PITPNC1: variants seen among roughly 807,000 people sequenced by gnomAD.
PITPNC1 encodes the protein phosphatidylinositol transfer protein cytoplasmic 1.
In PITPNC1, 18 loss-of-function variants were observed where a neutral mutation model predicts 44.7. The ratio of observed to expected loss-of-function variants is 0.40; its 90% CI spans 0.28 to 0.60. The LOEUF (loss-of-function observed/expected upper bound fraction) is 0.60, where lower values mean the gene tolerates loss of function less well. Ranked by LOEUF, PITPNC1 falls within the 20% of genes least tolerant of loss-of-function variation. PITPNC1 has a pLI of 0.39. For missense variants in PITPNC1, 290 were observed against 418.4 expected (o/e 0.69, Z 2.68); for synonymous variants, 141 against 149.6 (o/e 0.94, Z 0.42).
chr17:67,617,143 G>A (rs2041769352), intron 5 of PITPNC1, among the ~76,000 whole-genome samples: 1 of 152,228 alleles, frequency 6.6e-6, no homozygotes, highest in Non-Finnish European at 1.5e-5. Context: ...TGAGGCCTCA[G>A]GGAAGGCCAG....
intron 1 of PITPNC1, among the ~76,000 whole-genome samples, chr17:67,390,553 C>T (rs748558673): frequency 1.7e-4 from 26 of 152,194 alleles, no homozygotes; most frequent in African/African-American, 5.8e-4. Flanking sequence ...CCACATGGCA[C>T]GTAAGTCCTT....
chr17:67,575,642 G>C (rs1314765855), intron 4 of PITPNC1, among the ~76,000 whole-genome samples: 1 of 152,108 alleles, frequency 6.6e-6, no homozygotes, highest in African/African-American at 2.4e-5. Flanking sequence ...AAGCATGTGT[G>C]TGCTATAGCC....
chr17:67,662,063 C>T (rs2042356940), intron 6 of PITPNC1, among the ~76,000 whole-genome samples: 1 of 151,916 alleles, frequency 6.6e-6, no homozygotes, highest in Non-Finnish European at 1.5e-5. Context: ...CAGTACATGC[C>T]CTGAAAAACC....
chr17:67,685,074 T>C (rs2042788136), intron 8 of PITPNC1, among the ~76,000 whole-genome samples: 1 of 152,254 alleles, frequency 6.6e-6, no homozygotes, highest in African/African-American at 2.4e-5. Context: ...CTAAAAGTGA[T>C]CGTCTAGTAT....
intron 1 of PITPNC1, among the ~76,000 whole-genome samples, chr17:67,514,325 G>A (rs1473003144): frequency 1.3e-5 from 2 of 151,846 alleles, no homozygotes; most frequent in South Asian, 4.2e-4. Context: ...CTCAACCTCC[G>A]AGTAGCTGAG....
intron 6 of PITPNC1, among the ~76,000 whole-genome samples, chr17:67,658,186 C>G (rs555356127): frequency 6.6e-6 from 1 of 152,330 alleles, no homozygotes; most frequent in South Asian, 2.1e-4. Flanking sequence ...AGGGGTGGGA[C>G]CCCAGTGAAA....
At chr17:67,456,114 A>C (rs141993276) in intron 1 of PITPNC1, among the ~76,000 whole-genome samples, 1 of 152,224 alleles carries the variant, frequency 6.6e-6, no homozygotes, top group African/African-American at 2.4e-5. Flanking sequence ...AACTTTAAGT[A>C]ACTTGTCTAA....
intron 6 of PITPNC1, among the ~76,000 whole-genome samples, chr17:67,666,888 C>T (rs572748787): frequency 5.3e-4 from 81 of 152,334 alleles, no homozygotes; most frequent in African/African-American, 1.3e-3. Context: ...GGCGGAGCCA[C>T]GGCCAGATCT....
chr17:67,436,536 G>A (rs777128016), intron 1 of PITPNC1, among the ~76,000 whole-genome samples: 3 of 152,080 alleles, frequency 2.0e-5, no homozygotes, highest in African/African-American at 4.8e-5. Context: ...GTGATGGAAC[G>A]AACGTACCGG....
At chr17:67,389,031 A>G (rs191180064) in intron 1 of PITPNC1, among the ~76,000 whole-genome samples, 3 of 152,380 alleles carry the variant, frequency 2.0e-5, no homozygotes, top group African/African-American at 7.2e-5. Flanking sequence ...TTCTCTGCTC[A>G]GGGTCTCATA....
chr17:67,469,900 A>G, intron 1 of PITPNC1, among the ~76,000 whole-genome samples: 1 of 152,170 alleles, frequency 6.6e-6, no homozygotes, highest in East Asian at 1.9e-4. Context: ...GATATATAAT[A>G]TATATATGTG....
chr17:67,493,625 C>T (rs2039891317), intron 1 of PITPNC1, among the ~76,000 whole-genome samples: 1 of 152,200 alleles, frequency 6.6e-6, no homozygotes, highest in Admixed American at 6.5e-5. Flanking sequence ...TTGGATTTGC[C>T]TGATGCCCCA....
chr17:67,641,460 G>A (rs76479516), intron 6 of PITPNC1, among the ~76,000 whole-genome samples: 1,659 of 152,162 alleles, frequency 0.011, 33 homozygotes, highest in African/African-American at 0.039. Context: ...CCATTTTTCT[G>A]TGCAGCACAC....
chr17:67,401,886 C>A (rs2038320224), intron 1 of PITPNC1, among the ~76,000 whole-genome samples: 1 of 152,020 alleles, frequency 6.6e-6, no homozygotes, highest in Non-Finnish European at 1.5e-5. Context: ...AGATTGTTCT[C>A]CTTTGATCTT....
chr17:67,489,221 T>C (rs1416116495), intron 1 of PITPNC1, among the ~76,000 whole-genome samples: 1 of 152,196 alleles, frequency 6.6e-6, no homozygotes, highest in Non-Finnish European at 1.5e-5. Flanking sequence ...CTGGATTGTT[T>C]GCTCCGTCTC....
chr17:67,583,913 T>G (rs111361764), intron 5 of PITPNC1, among the ~76,000 whole-genome samples: 19,557 of 107,994 alleles, frequency 0.18, 1,600 homozygotes, highest in South Asian at 0.29. Flanking sequence ...GTGTGTGTGT[T>G]TGTGTTTAGT....
At chr17:67,581,820 GTC>G (rs2041238642) in intron 5 of PITPNC1, among the ~76,000 whole-genome samples, 1 of 152,168 alleles carries the variant, frequency 6.6e-6, no homozygotes, top group African/African-American at 2.4e-5. Flanking sequence ...GATACCTGAG[GTC>G]AGGAGTTTGA....
chr17:67,457,313 A>G (rs551834154), intron 1 of PITPNC1: 1 of 152,314 alleles, frequency 6.6e-6, no homozygotes, highest in East Asian at 1.9e-4. Context: ...TGTTACTGAG[A>G]AGTCTTCTGT....
At chr17:67,472,510 G>A (rs535778862) in intron 1 of PITPNC1, among the ~76,000 whole-genome samples, 13 of 151,602 alleles carry the variant, frequency 8.6e-5, no homozygotes, top group Non-Finnish European at 1.6e-4. Flanking sequence ...AGCCGGGCGT[G>A]GTGGTGGGCG....
Sources: allele counts gnomAD v4.1 joint callset (sites outside exome capture counted in the v4.1 genomes callset), GRCh38; gene constraint gnomAD v4.1.1; transcripts MANE v1.5; gene names NCBI Gene and HGNC (gene_info 2026-07-23, HGNC 2026-07-21).